The following WDR41 variants were observed in gnomAD, a reference collection of about 807,000 sequenced individuals.
WDR41 encodes WD repeat-containing protein 41.
A neutral mutation model predicts 69.3 loss-of-function variants in WDR41; 63 were observed. The observed-to-expected ratio is 0.91, with a 90% CI of 0.74 to 1.12. The LOEUF (loss-of-function observed/expected upper bound fraction) is 1.12. WDR41 is among the 50% of genes most tolerant of loss of function. The pLI, the probability that WDR41 is intolerant of heterozygous loss-of-function variation, is 0.00. For synonymous variants in WDR41, 185 were observed against 192.1 expected (o/e 0.96, Z 0.31); for missense variants, 543 against 534.5 (o/e 1.02, Z -0.16).
intron 1 of WDR41, among the ~76,000 whole-genome samples, chr5:77,615,520 T>C (rs527565489): frequency 6.6e-6 from 1 of 152,112 alleles, no homozygotes; most frequent in East Asian, 1.9e-4. Flanking sequence ...CATTTGAATA[T>C]GTTTGAAGTA....
intron 1 of WDR41, among the ~76,000 whole-genome samples, chr5:77,604,587 A>G (rs1010859439): frequency 1.3e-5 from 2 of 152,218 alleles, no homozygotes; most frequent in Non-Finnish European, 2.9e-5. Context: ...GGATGTTTTG[A>G]CATTATCTAT....
At chr5:77,582,456 G>A (rs1743956487) in intron 1 of WDR41, 1 of 1,604,138 alleles carries the variant, frequency 6.2e-7, no homozygotes, top group Non-Finnish European at 8.5e-7. Flanking sequence ...ATTTCGTAGA[G>A]CTGAAGATCA....
chr5:77,510,178 G>A (rs566145079), intron 1 of WDR41, among the ~76,000 whole-genome samples: 3 of 152,336 alleles, frequency 2.0e-5, no homozygotes, highest in African/African-American at 7.2e-5. Context: ...CAATCATGGT[G>A]GAAGGCAAGG....
chr5:77,601,453 AG>A (rs1744322058), intron 1 of WDR41, among the ~76,000 whole-genome samples: 1 of 152,206 alleles, frequency 6.6e-6, no homozygotes, highest in Non-Finnish European at 1.5e-5. Flanking sequence ...CAAGGATGTC[AG>A]TAAAGCAGAG....
intron 1 of WDR41, among the ~76,000 whole-genome samples, chr5:77,540,016 T>C (rs1320443601): frequency 2.0e-5 from 3 of 152,102 alleles, no homozygotes; most frequent in African/African-American, 7.2e-5. Flanking sequence ...CAAAATAAAA[T>C]ACAAAGTAAA....
intron 2 of WDR41, among the ~76,000 whole-genome samples, chr5:77,483,560 T>TATA (rs1801383635): frequency 6.6e-6 from 1 of 151,750 alleles, no homozygotes; most frequent in African/African-American, 2.4e-5. Context: ...TCTTTTTCGC[T>TATA]CATTAACCTG....
chr5:77,435,067 A>G (rs1307128862), intron 12 of WDR41, among the ~76,000 whole-genome samples: 2 of 152,120 alleles, frequency 1.3e-5, no homozygotes, highest in Non-Finnish European at 2.9e-5. Context: ...CGGCCTAGCC[A>G]AGGTGCTCCT....
intron 1 of WDR41, among the ~76,000 whole-genome samples, chr5:77,530,458 C>A (rs939269732): frequency 1.3e-5 from 2 of 151,480 alleles, no homozygotes; most frequent in Non-Finnish European, 3.0e-5. Context: ...CTGATATAAT[C>A]AACAGTATGG....
At chr5:77,452,330 A>T (rs186779465) in intron 6 of WDR41, 1 of 152,326 alleles carries the variant, frequency 6.6e-6, no homozygotes, top group African/African-American at 2.4e-5. Flanking sequence ...AAATGCAGAA[A>T]ACAGCTTGTT....
chr5:77,474,167 C>A (rs552788057), intron 2 of WDR41, among the ~76,000 whole-genome samples: 1 of 152,218 alleles, frequency 6.6e-6, no homozygotes, highest in Admixed American at 6.5e-5. Flanking sequence ...CCATCATTCT[C>A]AGCAAACTAT....
intron 5 of WDR41, among the ~76,000 whole-genome samples, chr5:77,457,950 C>G (rs1338361538): frequency 6.6e-6 from 1 of 152,028 alleles, no homozygotes; most frequent in African/African-American, 2.4e-5. Context: ...TGACCAGTTC[C>G]TATAACCAGT....
chr5:77,477,209 C>A (rs1581746870), intron 2 of WDR41, among the ~76,000 whole-genome samples: 1 of 149,538 alleles, frequency 6.7e-6, no homozygotes, highest in South Asian at 2.1e-4. Context: ...ACTTAGACTC[C>A]CACACAATAA....
intron 2 of WDR41, among the ~76,000 whole-genome samples, chr5:77,474,962 C>A (rs548462866): frequency 6.6e-6 from 1 of 152,174 alleles, no homozygotes; most frequent in Non-Finnish European, 1.5e-5. Flanking sequence ...GGTGCGTGCA[C>A]CGTGCGCGAG....
At position 77,432,995 on chromosome 5, in the gene WDR41, C is replaced by T. The variant is rs1415633921; in HGVS notation, c.*140G>A. ...AACATGTTCCTGGTTGGTAGGTCCA[C>T]AAAAAATTTAAACATGTAGAATTTT... On this transcript the variant is annotated 3_prime_UTR_variant, in exon 13 of 13. Transcript: ENST00000296679. 1 of 962,478 alleles carries T rather than the reference C, an allele frequency of 1.0e-6. No homozygotes were observed. The highest frequency in any genetic ancestry group is 1.5e-6 in the Non-Finnish European group (1 of 669,570). The allele number at this position is 962,478 out of a possible 1,614,324, so 59.6% of individuals were successfully genotyped here.
At chr5:77,568,430 C>T (rs1455922694) in intron 1 of WDR41, among the ~76,000 whole-genome samples, 2 of 152,164 alleles carry the variant, frequency 1.3e-5, no homozygotes, top group Non-Finnish European at 2.9e-5. Flanking sequence ...ATAACCCATT[C>T]TTCCTGAGAT....
intron 1 of WDR41, among the ~76,000 whole-genome samples, chr5:77,556,514 T>C (rs1343475115): frequency 6.6e-6 from 1 of 151,250 alleles, no homozygotes; most frequent in African/African-American, 2.4e-5. Flanking sequence ...TTCAAGCAAT[T>C]CTCCTACGTG....
chr5:77,462,784 GAGAT>G (rs964384058), intron 4 of WDR41, among the ~76,000 whole-genome samples: 29 of 152,206 alleles, frequency 1.9e-4, no homozygotes, highest in African/African-American at 6.3e-4. Context: ...AAAGCAAACT[GAGAT>G]AGTAAAATAA....
At chr5:77,554,260 C>CAGATGGTAG (rs1442092131) in intron 1 of WDR41, among the ~76,000 whole-genome samples, 1 of 152,048 alleles carries the variant, frequency 6.6e-6, no homozygotes, top group African/African-American at 2.4e-5. Context: ...TAGTGGTTGC[C>CAGATGGTAG]AGATGGTAGA....
At chr5:77,512,019 G>A (rs1271757075) in intron 1 of WDR41, among the ~76,000 whole-genome samples, 1 of 152,008 alleles carries the variant, frequency 6.6e-6, no homozygotes, top group Non-Finnish European at 1.5e-5. Context: ...ATATCCCATT[G>A]GGAATTCGTA....
Sources: allele counts gnomAD v4.1 joint callset (sites outside exome capture counted in the v4.1 genomes callset), GRCh38; gene constraint gnomAD v4.1.1; transcripts MANE v1.5; gene names NCBI Gene and HGNC (gene_info 2026-07-23, HGNC 2026-07-21).